The following CBLB variants were observed in gnomAD, a reference collection of about 807,000 sequenced individuals.
CBLB encodes the protein Cbl proto-oncogene B.
CBLB carries 31 observed loss-of-function variants against 104.9 expected under a neutral mutation model. That is an observed-to-expected ratio of 0.30 (90% confidence interval 0.22 to 0.40). CBLB has a LOEUF of 0.40. CBLB is among the 10% of genes least tolerant of loss of function. The probability of loss-of-function intolerance (pLI) is 1.00; values close to 1 mark genes in which losing one functional copy is unlikely to be tolerated. For missense variants in CBLB, 1,062 were observed against 1,214.6 expected (o/e 0.87, Z 1.87); for synonymous variants, 440 against 422.6 (o/e 1.04, Z -0.51).
chr3:105,660,333 G>C (rs770204087), intron 18 of CBLB, among the ~76,000 whole-genome samples: 3 of 151,586 alleles, frequency 2.0e-5, no homozygotes, highest in African/African-American at 7.3e-5. Context: ...GATTACAGGC[G>C]TGCACCACCA....
At chr3:105,825,522 T>C (rs1216270982) in intron 3 of CBLB, among the ~76,000 whole-genome samples, 3 of 152,222 alleles carry the variant, frequency 2.0e-5, no homozygotes, top group Non-Finnish European at 4.4e-5. Flanking sequence ...CAGTAACTCA[T>C]AATTGTCCTC....
intron 9 of CBLB, among the ~76,000 whole-genome samples, chr3:105,727,850 T>C (rs909260317): frequency 5.9e-5 from 9 of 152,138 alleles, no homozygotes; most frequent in Admixed American, 1.3e-4. Flanking sequence ...ATCAGATGGT[T>C]GTAGATGTGT....
chr3:105,865,790 A>C (rs982636827), intron 2 of CBLB, among the ~76,000 whole-genome samples: 2 of 152,158 alleles, frequency 1.3e-5, no homozygotes, highest in African/African-American at 4.8e-5. Context: ...GGGGAAAAAG[A>C]ACAGCCCCTT....
intron 12 of CBLB, among the ~76,000 whole-genome samples, chr3:105,701,484 T>G (rs960658829): frequency 1.1e-4 from 16 of 152,320 alleles, no homozygotes; most frequent in African/African-American, 3.6e-4. Context: ...CCGTGCTGGC[T>G]GGGCACAGTG....
intron 14 of CBLB, among the ~76,000 whole-genome samples, 175 bp downstream of exon 14, chr3:105,685,145 T>G (rs1395367366): frequency 6.6e-6 from 1 of 152,256 alleles, no homozygotes; most frequent in Non-Finnish European, 1.5e-5. Context: ...ATGAGAAATC[T>G]GCATCTTTTA....
intron 4 of CBLB, among the ~76,000 whole-genome samples, chr3:105,759,058 G>A (rs1407948514): frequency 1.3e-5 from 2 of 152,180 alleles, no homozygotes; most frequent in African/African-American, 2.4e-5. Flanking sequence ...GAAGAATGAG[G>A]TATACAAACA....
At chr3:105,685,146 G>GC (rs2066850720) in intron 14 of CBLB, among the ~76,000 whole-genome samples, 174 bp downstream of exon 14, 1 of 152,138 alleles carries the variant, frequency 6.6e-6, no homozygotes, top group Non-Finnish European at 1.5e-5. Flanking sequence ...TGAGAAATCT[G>GC]CATCTTTTAG....
chr3:105,682,036 C>A lies in CBLB; in HGVS notation c.2202-218G>T. On this transcript the variant is annotated intron_variant, in intron 14 of 18. Coordinates refer to ENST00000394030, the MANE Select transcript of CBLB (RefSeq NM_170662.5). ...GTAACACAGTCTCTCTTTTTTTAAA[C>A]TATAACCAAGAATTACAAGGGCCAC... 5.8e-6 allele frequency: 3 copies of A among 520,324 alleles called. 1 individual carries two copies. In the South Asian group the frequency reaches 6.9e-5, roughly 12 times the overall value. 32.2% of individuals were successfully genotyped at this position (520,324 alleles called of 1,614,324 possible). A position where few individuals can be genotyped will look rare whatever the true frequency, so the allele number is the denominator to read the frequency against.
intron 13 of CBLB, among the ~76,000 whole-genome samples, chr3:105,686,602 G>T (rs1296216039): frequency 2.0e-5 from 3 of 151,906 alleles, no homozygotes; most frequent in Non-Finnish European, 4.4e-5. Context: ...AATTTTAGGG[G>T]CTTTTCTTTG....
At chr3:105,739,058 C>T (rs927293499) in intron 7 of CBLB, among the ~76,000 whole-genome samples, 2 of 152,084 alleles carry the variant, frequency 1.3e-5, no homozygotes, top group Admixed American at 6.5e-5. Context: ...CCGTCACGCG[C>T]CACCATGCCC....
chr3:105,721,199 T>A (rs370798064), intron 9 of CBLB, among the ~76,000 whole-genome samples: 1 of 152,206 alleles, frequency 6.6e-6, no homozygotes, highest in Non-Finnish European at 1.5e-5. Context: ...AGAAATGGGA[T>A]GAAATAGCAC....
intron 3 of CBLB, among the ~76,000 whole-genome samples, chr3:105,802,354 G>A (rs966790976): frequency 6.6e-6 from 1 of 152,134 alleles, no homozygotes; most frequent in Non-Finnish European, 1.5e-5. Flanking sequence ...ACATGCTTAT[G>A]TACATCTCTC....
At chr3:105,781,876 TTA>T (rs1225464351) in intron 3 of CBLB, among the ~76,000 whole-genome samples, 1 of 152,208 alleles carries the variant, frequency 6.6e-6, no homozygotes, top group Non-Finnish European at 1.5e-5. Flanking sequence ...CATGCTCTTC[TTA>T]ATTTTACAAG....
intron 2 of CBLB, among the ~76,000 whole-genome samples, chr3:105,866,749 A>G (rs1214840236): frequency 6.6e-6 from 1 of 152,212 alleles, no homozygotes; most frequent in Non-Finnish European, 1.5e-5. Context: ...AGCAACATGC[A>G]GAAACCACAG....
intron 10 of CBLB, among the ~76,000 whole-genome samples, chr3:105,710,361 T>C (rs1005586815): frequency 6.6e-6 from 1 of 151,904 alleles, no homozygotes; most frequent in African/African-American, 2.4e-5. Context: ...TCATAAAGCA[T>C]AGAAAGTAGA....
rs763082999 is a variant in CBLB at position 105,693,548 on chromosome 3, A to G, written c.2000T>C (p.Val667Ala). The part of the protein sequence containing the change: ...NGHLGSEEYD[V>A]PPRLSPPPPV... ...AGGAGGAGGAGAAAGCCGGGGAGGA[A>G]CATCATATTCTTCACTTCCAAGGTG... is the stretch of plus-strand genomic sequence containing the variant. Residue 667 changes from valine (V) to alanine (A), a missense_variant, in exon 13 of 19, where the codon GTT (valine) becomes GCT (alanine). Physicochemically the swap from Val to Ala is moderately conservative, Grantham distance 64. Coordinates refer to ENST00000394030, the MANE Select transcript of CBLB (RefSeq NM_170662.5). 3.1e-6 allele frequency: 5 copies of G among 1,612,588 alleles called. No homozygotes were observed. Among genetic ancestry groups the G allele is most frequent in the Non-Finnish European group, 4.2e-6 (5 of 1,178,924 alleles).
intron 3 of CBLB, among the ~76,000 whole-genome samples, chr3:105,829,005 T>C (rs1034586184): frequency 1.3e-5 from 2 of 151,994 alleles, no homozygotes; most frequent in African/African-American, 2.4e-5. Flanking sequence ...ACATATATAA[T>C]TTGCCACAAT....
chr3:105,701,375 T>G (rs2069079822), intron 12 of CBLB, among the ~76,000 whole-genome samples: 1 of 152,218 alleles, frequency 6.6e-6, no homozygotes, highest in African/African-American at 2.4e-5. Context: ...ATGTGCACTG[T>G]CCCAGGCAAC....
At position 105,796,143 on chromosome 3, in the gene CBLB, C is replaced by T. The variant is rs558465546; in HGVS notation, c.420-19601G>A. ...AAGAGCCCAAGTAGCCAGAGCAATC[C>T]TAAGCAAAAACAACAAAGCTAGAGA... is the stretch of plus-strand genomic sequence containing the variant. On this transcript the variant is annotated intron_variant, in intron 3 of 18. Transcript: ENST00000394030. Among the ~76,000 whole-genome samples the T allele has an allele frequency of 2.2e-4, 33 of 152,224 alleles. 1 individual carries two copies. Among genetic ancestry groups the T allele is most frequent in the Non-Finnish European group, 3.8e-4 (26 of 68,004 alleles).
Sources: allele counts gnomAD v4.1 joint callset (sites outside exome capture counted in the v4.1 genomes callset), GRCh38; gene constraint gnomAD v4.1.1; transcripts MANE v1.5; gene names NCBI Gene and HGNC (gene_info 2026-07-23, HGNC 2026-07-21).